The following IGF2BP3 variants were observed in gnomAD, a reference collection of about 807,000 sequenced individuals.
IGF2BP3 encodes the protein insulin like growth factor 2 mRNA binding protein 3, also known as insulin-like growth factor 2 mRNA-binding protein 3.
Under a neutral mutation model 73.8 loss-of-function variants are expected in IGF2BP3, and 9 were observed. That is an observed-to-expected ratio of 0.12 (90% CI 0.07 to 0.21). The LOEUF (loss-of-function observed/expected upper bound fraction) is 0.21. Ranked by LOEUF, IGF2BP3 falls within the 10% of genes least tolerant of loss-of-function variation. The probability of loss-of-function intolerance (pLI) is 1.00; values close to 1 mark genes in which losing one functional copy is unlikely to be tolerated. For missense variants in IGF2BP3, 542 were observed against 714.0 expected, an observed-to-expected ratio of 0.76 and a Z score of 2.75; for synonymous variants, 258 against 256.7, an observed-to-expected ratio of 1.01 and a Z score of -0.05.
At chr7:23,346,209 C>T (rs1162098961) in intron 7 of IGF2BP3, 147 bp from the exon 8 acceptor site, 7 of 767,520 alleles carry the variant, frequency 9.1e-6, no homozygotes, top group African/African-American at 8.8e-5. Context: ...TGACAATTGG[C>T]CAGCATTCTA....
chr7:23,335,975 T>C (rs893743887), intron 10 of IGF2BP3, among the ~76,000 whole-genome samples: 3 of 152,202 alleles, frequency 2.0e-5, no homozygotes, highest in African/African-American at 7.2e-5. Flanking sequence ...AAGAACCAAC[T>C]CTTTGGCTCT....
intron 10 of IGF2BP3, among the ~76,000 whole-genome samples, chr7:23,332,212 T>C (rs759282410): frequency 1.3e-5 from 2 of 152,198 alleles, no homozygotes; most frequent in Non-Finnish European, 2.9e-5. Flanking sequence ...CTATTGTCTC[T>C]TCCTTTATAT....
intron 7 of IGF2BP3, 145 bp from the exon 8 acceptor site, chr7:23,346,207 G>T: frequency 1.3e-6 from 1 of 784,998 alleles, no homozygotes; most frequent in Non-Finnish European, 1.9e-6. Flanking sequence ...GCTGACAATT[G>T]GCCAGCATTC....
At chr7:23,422,266 A>G (rs1562743457) in intron 2 of IGF2BP3, among the ~76,000 whole-genome samples, 1 of 152,194 alleles carries the variant, frequency 6.6e-6, no homozygotes, top group Non-Finnish European at 1.5e-5. Context: ...ACATATTACA[A>G]AAATAAATAT....
chr7:23,334,504 G>C, intron 10 of IGF2BP3, among the ~76,000 whole-genome samples: 1 of 152,204 alleles, frequency 6.6e-6, no homozygotes, highest in East Asian at 1.9e-4. Flanking sequence ...ATGAGACCTA[G>C]GTTGGAAAAG....
chr7:23,439,554 C>CAAAAAA (rs11332929), intron 2 of IGF2BP3, among the ~76,000 whole-genome samples: 4 of 56,672 alleles, frequency 7.1e-5, no homozygotes, highest in African/African-American at 6.5e-5. Flanking sequence ...GACTCCGTCT[C>CAAAAAA]AAAAAAAAAA....
intron 2 of IGF2BP3, among the ~76,000 whole-genome samples, chr7:23,445,336 C>G (rs1256979440): frequency 6.6e-6 from 1 of 151,074 alleles, no homozygotes; most frequent in Non-Finnish European, 1.5e-5. Context: ...TACAGTGTAA[C>G]TAAGTATTAC....
At chr7:23,407,547 G>C (rs1180507619) in intron 3 of IGF2BP3, among the ~76,000 whole-genome samples, 1 of 150,078 alleles carries the variant, frequency 6.7e-6, no homozygotes, top group Non-Finnish European at 1.5e-5. Context: ...GGCAGAGGTT[G>C]TGGTGAGCCA....
intron 5 of IGF2BP3, among the ~76,000 whole-genome samples, chr7:23,353,453 T>G (rs1026297586): frequency 6.6e-6 from 1 of 152,192 alleles, no homozygotes; most frequent in African/African-American, 2.4e-5. Flanking sequence ...GGCACATGAA[T>G]GAACTCTTAT....
At chr7:23,360,224 T>C (rs1785191508) in intron 5 of IGF2BP3, among the ~76,000 whole-genome samples, 2 of 152,178 alleles carry the variant, frequency 1.3e-5, no homozygotes, top group Non-Finnish European at 1.5e-5. Context: ...GGATACATGC[T>C]TACATACACA....
At position 23,430,230 on chromosome 7, in the gene IGF2BP3, C is replaced by T. The variant is rs1429295052; in HGVS notation, c.237-11406G>A. ...TCCTCAGTAGCTGGGATTACAGGCG[C>T]GCGCCACCATGCCCAGTTAATTTTT... On this transcript the variant is annotated intron_variant, in intron 2 of 14. Transcript: ENST00000258729. Among the ~76,000 whole-genome samples, 8 of 152,190 alleles carry T rather than the reference C, an allele frequency of 5.3e-5. No individual in the cohort carries two copies. In the South Asian group the frequency reaches 6.2e-4, roughly 12 times the overall value.
At chr7:23,413,045 A>C (rs186203523) in intron 3 of IGF2BP3, among the ~76,000 whole-genome samples, 349 of 150,174 alleles carry the variant, frequency 2.3e-3, no homozygotes, top group Non-Finnish European at 4.1e-3. Context: ...TTTTTAGTTA[A>C]GATGGGGTTT....
intron 3 of IGF2BP3, among the ~76,000 whole-genome samples, chr7:23,395,609 C>T (rs943800941): frequency 2.0e-5 from 3 of 150,474 alleles, no homozygotes; most frequent in African/African-American, 4.9e-5. Flanking sequence ...CCCCACCCCC[C>T]CAAAAAAAGA....
intron 10 of IGF2BP3, among the ~76,000 whole-genome samples, chr7:23,322,226 AGGAGCTGAT>A (rs1445371615): frequency 1.3e-5 from 2 of 152,250 alleles, no homozygotes; most frequent in African/African-American, 4.8e-5. Flanking sequence ...AAGTGCTTAA[AGGAGCTGAT>A]GGAGCTGAAA....
intron 3 of IGF2BP3, among the ~76,000 whole-genome samples, chr7:23,401,963 G>A (rs1325482050): frequency 1.3e-5 from 2 of 151,262 alleles, no homozygotes; most frequent in African/African-American, 2.4e-5. Context: ...CTAAAATTAC[G>A]AAAATTAGCC....
Position 23,388,042 on chromosome 7 carries a change from G to A in IGF2BP3, c.286-26301C>T, listed in dbSNP as rs566103021. 2.6e-5 allele frequency among the ~76,000 whole-genome samples: 4 copies of A among 152,150 alleles called. No homozygotes were observed. In the South Asian group the frequency reaches 8.3e-4, roughly 32 times the overall value. ...TGCAAGCTCCGCCTCCCGGGTTCAC[G>A]CCATTCTCCTGCCTCAGCCTCCCGA... On this transcript the variant is annotated intron_variant, in intron 3 of 14. Transcript: ENST00000258729.
At chr7:23,335,288 AT>A (rs5882901) in intron 10 of IGF2BP3, among the ~76,000 whole-genome samples, 61 of 145,684 alleles carry the variant, frequency 4.2e-4, no homozygotes, top group Admixed American at 5.5e-4. Flanking sequence ...CCAACTCATA[AT>A]TTTTTTTTTT....
At chr7:23,346,150 C>T in intron 7 of IGF2BP3, 88 bp from the exon 8 acceptor site, 8 of 1,420,804 alleles carry the variant, frequency 5.6e-6, no homozygotes, top group Non-Finnish European at 7.6e-6. Context: ...ACATTTACTT[C>T]CTACCTACCA....
chr7:23,344,648 G>C (rs757452609), intron 8 of IGF2BP3, among the ~76,000 whole-genome samples: 2 of 152,182 alleles, frequency 1.3e-5, no homozygotes, highest in Non-Finnish European at 2.9e-5. Context: ...ATGGAAAACA[G>C]AACTAAGTAC....
Sources: gnomAD v4.1 joint callset for allele counts (sites outside exome capture counted in the v4.1 genomes callset) on GRCh38, gnomAD v4.1.1 for gene constraint, MANE v1.5 for transcripts, NCBI Gene and HGNC (gene_info 2026-07-23, HGNC 2026-07-21) for gene names.